The following HACL2 variants were observed in gnomAD, a reference collection of about 807,000 sequenced individuals.
HACL2 encodes 2-hydroxyacyl-CoA lyase 2, also known as 2-hydroxyacyl-CoA lyase 1 like.
the HACL2 span, among the ~76,000 whole-genome samples, chr19:15,122,271 C>T: frequency 2.6e-5 from 4 of 151,960 alleles, no homozygotes; most frequent in African/African-American, 9.7e-5. The surrounding 1 kb of genome is among the most constrained non-coding windows in gnomAD (Gnocchi z 4.0). Context: ...GCTTCCTCCT[C>T]TGTAAATGTA....
the HACL2 span, chr19:15,116,910 C>T: frequency 1.4e-5 from 3 of 220,106 alleles, no homozygotes; most frequent in Non-Finnish European, 2.7e-5. Flanking sequence ...AGTGAACTAA[C>T]AAACAGCCCC....
the HACL2 span, chr19:15,117,833 A>T: frequency 3.7e-6 from 6 of 1,604,926 alleles, no homozygotes; most frequent in Non-Finnish European, 5.1e-6. Context: ...CCAGGAGGAG[A>T]GGGACTGGGA....
the HACL2 span, chr19:15,119,583 C>A: frequency 7.4e-7 from 1 of 1,354,590 alleles, no homozygotes. Context: ...CACAGTTTCA[C>A]TCTGTTGCCC....
the HACL2 span, chr19:15,123,445 G>A: frequency 1.7e-5 from 27 of 1,614,100 alleles, no homozygotes; most frequent in Non-Finnish European, 1.9e-5. This position sits in a 1 kb window ranked among gnomAD's most constrained non-coding sequence, Gnocchi z 5.1. Context: ...CCACACGGAT[G>A]CCCAGTTTCT....
the HACL2 span, chr19:15,115,502 A>G: frequency 3.2e-5 from 51 of 1,600,524 alleles, no homozygotes; most frequent in African/African-American, 6.0e-4. Flanking sequence ...CCAGGAGAGG[A>G]ACACAAGCCC....
chr19:15,123,042 A>G, the HACL2 span: 2 of 1,607,112 alleles, frequency 1.2e-6, no homozygotes, highest in Admixed American at 1.7e-5. The surrounding 1 kb of genome is among the most constrained non-coding windows in gnomAD (Gnocchi z 5.1). Context: ...TGGCAAAGAC[A>G]GAGGTGTGGC....
the HACL2 span, among the ~76,000 whole-genome samples, chr19:15,118,633 C>T: frequency 6.6e-6 from 1 of 152,202 alleles, no homozygotes; most frequent in Non-Finnish European, 1.5e-5. Context: ...CACACAGCCT[C>T]CACTCACTCT....
chr19:15,122,064 AT>A, the HACL2 span, among the ~76,000 whole-genome samples: 12,129 of 147,300 alleles, frequency 0.082, 1,315 homozygotes, highest in African/African-American at 0.25. This position sits in a 1 kb window ranked among gnomAD's most constrained non-coding sequence, Gnocchi z 4.0. Context: ...CGCCCGGCTA[AT>A]TTTTTTTTTT....
the HACL2 span, among the ~76,000 whole-genome samples, chr19:15,118,430 T>C: frequency 1.8e-4 from 28 of 152,234 alleles, 2 homozygotes; most frequent in South Asian, 5.8e-3. Flanking sequence ...ATGTGCTCTC[T>C]GTCTAAGAAG....
chr19:15,118,039 G>C, the HACL2 span: 10 of 1,613,526 alleles, frequency 6.2e-6, no homozygotes, highest in Middle Eastern at 1.6e-4. Flanking sequence ...CAGGAATGCA[G>C]TAGGCAGAGG....
chr19:15,115,861 C>G, the HACL2 span: 1 of 1,614,116 alleles, frequency 6.2e-7, no homozygotes, highest in African/African-American at 1.3e-5. Flanking sequence ...TTGTGTCTGA[C>G]GAATGTATCA....
the HACL2 span, chr19:15,120,038 C>T: frequency 6.4e-7 from 1 of 1,550,682 alleles, no homozygotes. Context: ...GGCTGAGGCT[C>T]CCAGGCTCCT....
chr19:15,115,693 A>G, the HACL2 span: 4 of 1,596,910 alleles, frequency 2.5e-6, no homozygotes, highest in African/African-American at 5.4e-5. Flanking sequence ...TGATGAAGGC[A>G]GGCCGCAGCC....
At chr19:15,124,568 G>A in the HACL2 span, 1 of 292,756 alleles carries the variant, frequency 3.4e-6, no homozygotes, top group Non-Finnish European at 6.4e-6. Flanking sequence ...TTATGAAACT[G>A]TCACTGCCAC....
chr19:15,122,793 C>T, the HACL2 span: 8 of 1,614,166 alleles, frequency 5.0e-6, no homozygotes, highest in South Asian at 7.7e-5. The surrounding 1 kb of genome is among the most constrained non-coding windows in gnomAD (Gnocchi z 4.0). Flanking sequence ...GGCAGCTCCA[C>T]AAACACCGGA....
chr19:15,120,026 C>G, the HACL2 span: 3 of 1,550,788 alleles, frequency 1.9e-6, no homozygotes, highest in Middle Eastern at 1.7e-4. Flanking sequence ...AGCGGTCCCT[C>G]GGGCTGAGGC....
At chr19:15,116,665 A>G in the HACL2 span, 1 of 638,528 alleles carries the variant, frequency 1.6e-6, no homozygotes. Context: ...TAGAAAAAAA[A>G]CAGGTGAAAC....
At chr19:15,125,201 C>T in the HACL2 span, 6 of 863,608 alleles carry the variant, frequency 6.9e-6, no homozygotes, top group Non-Finnish European at 1.8e-6. Flanking sequence ...ACGCCCCCAA[C>T]CCTGCCAGAC....
chr19:15,115,348 C>T, the HACL2 span: 2 of 1,614,144 alleles, frequency 1.2e-6, no homozygotes, highest in Non-Finnish European at 8.5e-7. Context: ...GGGCATCGTG[C>T]AGCACCTTGA....
Sources: gnomAD v4.1 joint callset for allele counts (sites outside exome capture counted in the v4.1 genomes callset) on GRCh38, gnomAD v4.1.1 for gene constraint, Gnocchi (gnomAD v3.1) non-coding constraint, MANE v1.5 for transcripts, NCBI Gene and HGNC (gene_info 2026-07-23, HGNC 2026-07-21) for gene names.